ITGA4: variants seen among roughly 807,000 people sequenced by gnomAD.
The protein encoded by ITGA4 is integrin alpha-4.
In ITGA4, 63 loss-of-function variants were observed where a neutral mutation model predicts 133.6. The observed-to-expected ratio is 0.47, with a 90% CI of 0.38 to 0.58. The LOEUF (loss-of-function observed/expected upper bound fraction) is 0.58, where lower values mean the gene tolerates loss of function less well. ITGA4 is among the 20% of genes least tolerant of loss of function. ITGA4 has a pLI of 0.00. For missense variants in ITGA4, 1,076 were observed against 1,252.7 expected (o/e 0.86, Z 2.13); for synonymous variants, 483 against 438.0 (o/e 1.10, Z -1.28).
chr2:181,461,181 A>G (rs927313042), intron 2 of ITGA4, among the ~76,000 whole-genome samples: 35 of 147,848 alleles, frequency 2.4e-4, no homozygotes, highest in African/African-American at 8.8e-4. Flanking sequence ...TGCCATAAGC[A>G]GAAGTGAGCC....
Position 181,538,805 on chromosome 2 carries a change from G to A in ITGA4, c.*3278G>A, listed in dbSNP as rs956685002. On this transcript the variant is annotated 3_prime_UTR_variant, in exon 28 of 28. Coordinates refer to ENST00000397033, the MANE Select transcript of ITGA4 (RefSeq NM_000885.6). ...TGATCCATTTTTAAAAATCCAAAAT[G>A]GAAGTTGTAGACATTATCTGTAGTT... Among the ~76,000 whole-genome samples the A allele has an allele frequency of 6.6e-6, 1 of 152,090 alleles. No individual in the cohort carries two copies. Among genetic ancestry groups the A allele is most frequent in the African/African-American group, 2.4e-5 (1 of 41,422 alleles).
intron 2 of ITGA4, among the ~76,000 whole-genome samples, chr2:181,466,310 T>G (rs759169628): frequency 3.9e-5 from 6 of 152,110 alleles, no homozygotes; most frequent in Admixed American, 6.6e-5. Context: ...AAAAAATAGC[T>G]GAAATAACTG....
At chr2:181,535,074 TTTCTC>T (rs1687031703) in intron 27 of ITGA4, 139 bp downstream of exon 27, 2 of 907,388 alleles carry the variant, frequency 2.2e-6, no homozygotes, top group Admixed American at 3.6e-5. Flanking sequence ...TGATCTCACA[TTTCTC>T]TTCAACACCA....
rs1685144763 is a variant in ITGA4 at position 181,457,413 on chromosome 2, G to A, written c.-242G>A. The A allele has an allele frequency of 1.3e-5, 6 of 462,374 alleles. No homozygotes were observed. The highest frequency in any genetic ancestry group is 8.3e-5 in the East Asian group (2 of 24,158). The allele number at this position is 462,374 out of a possible 1,614,324, so 28.6% of individuals were successfully genotyped here. On this transcript the variant is annotated 5_prime_UTR_variant, in exon 1 of 28. Transcript: ENST00000397033. Reference sequence around the variant, plus strand: ...AGCAGCGCGAGCACCCGAAGCTCCCGGCTGGCGGCAGAAACCGGGAGTGGG... The same window carrying A: ...AGCAGCGCGAGCACCCGAAGCTCCCAGCTGGCGGCAGAAACCGGGAGTGGG...
In ITGA4 at chr2:181,495,634, C is replaced by G. The variant is rs1353483678; in HGVS notation, c.1386-149C>G. 1.4e-6 allele frequency: 1 copy of G among 709,718 alleles called. No homozygotes were observed. The highest frequency in any genetic ancestry group is 2.7e-5 in the East Asian group (1 of 37,092). 44.0% of individuals were successfully genotyped at this position (709,718 alleles called of 1,614,324 possible). On this transcript the variant is annotated intron_variant, in intron 13 of 27. Coordinates refer to ENST00000397033, the MANE Select transcript of ITGA4 (RefSeq NM_000885.6). This position sits in a 1 kb window ranked among gnomAD's most constrained non-coding sequence, Gnocchi z 4.3. ...GACATTTAAATAAAAAGTTATTTTG[C>G]CCTGTGCACAGAAATGTAATTAGTA...
At chr2:181,521,632 G>A (rs1287082569) in intron 17 of ITGA4, among the ~76,000 whole-genome samples, 1 of 152,152 alleles carries the variant, frequency 6.6e-6, no homozygotes, top group Non-Finnish European at 1.5e-5. Flanking sequence ...AGTTACTGGT[G>A]GAGGTGACCA....
At chr2:181,477,283 A>G (rs1685698626) in intron 4 of ITGA4, among the ~76,000 whole-genome samples, 1 of 152,128 alleles carries the variant, frequency 6.6e-6, no homozygotes, top group African/African-American at 2.4e-5. Context: ...CATAAGAGAA[A>G]AGCTACTTGA....
chr2:181,530,703 C>T, intron 24 of ITGA4, 54 bp downstream of exon 24: 4 of 1,535,904 alleles, frequency 2.6e-6, no homozygotes, highest in South Asian at 1.2e-5. Context: ...AGAAGTGAGA[C>T]ACTTAAAATC....
intron 9 of ITGA4, 113 bp downstream of exon 9, chr2:181,482,764 T>G (rs1685835505): frequency 2.1e-6 from 2 of 940,758 alleles, no homozygotes; most frequent in Non-Finnish European, 3.3e-6. Flanking sequence ...TGACAAAAGT[T>G]AAAATTCTAA....
intron 20 of ITGA4, 136 bp downstream of exon 20, chr2:181,524,386 C>T (rs577431890): frequency 1.1e-5 from 6 of 533,958 alleles, no homozygotes; most frequent in African/African-American, 8.0e-5. Context: ...TTTAAAAGAA[C>T]CAAACAACAT....
chr2:181,462,639 GAC>G (rs903230195), intron 2 of ITGA4, among the ~76,000 whole-genome samples: 8 of 152,146 alleles, frequency 5.3e-5, no homozygotes, highest in Admixed American at 1.3e-4. Flanking sequence ...AGAAAATCAA[GAC>G]AGAGAGCTTC....
intron 17 of ITGA4, among the ~76,000 whole-genome samples, chr2:181,515,125 A>G (rs2105760157): frequency 6.6e-6 from 1 of 152,188 alleles, no homozygotes; most frequent in South Asian, 2.1e-4. Context: ...TAGAGCTCCA[A>G]GTTCTTATCA....
intron 2 of ITGA4, among the ~76,000 whole-genome samples, chr2:181,459,836 CATT>C (rs373439559): frequency 3.9e-5 from 6 of 152,326 alleles, no homozygotes; most frequent in African/African-American, 1.4e-4. Context: ...TGATCCATGA[CATT>C]ATAACTACTG....
At chr2:181,472,671 T>C (rs1368391853) in intron 2 of ITGA4, among the ~76,000 whole-genome samples, 1 of 152,238 alleles carries the variant, frequency 6.6e-6, no homozygotes, top group Non-Finnish European at 1.5e-5. Flanking sequence ...TAATGAAAAT[T>C]AAAATGCCTT....
At chr2:181,477,455 G>A (rs1457466637) in intron 4 of ITGA4, among the ~76,000 whole-genome samples, 5 of 152,048 alleles carry the variant, frequency 3.3e-5, no homozygotes, top group Non-Finnish European at 7.4e-5. Context: ...ATTCGCATAA[G>A]TCCTATATAT....
intron 2 of ITGA4, among the ~76,000 whole-genome samples, chr2:181,470,215 A>C (rs1342503284): frequency 6.6e-6 from 1 of 152,186 alleles, no homozygotes; most frequent in Non-Finnish European, 1.5e-5. Context: ...AGACTCAGCA[A>C]TCTCACTGAA....
Position 181,493,410 on chromosome 2 carries a change from C to G in ITGA4, c.1239C>G (p.Thr413=), listed in dbSNP as rs1686096780. The part of the protein sequence containing the change: ...YNGRADGISS[T]FSQRIEGLQI... The stretch of plus-strand genomic sequence containing the variant: ...GCCGTGCAGATGGGATCTCGTCAAC[C>G]TTCTCACAGGTAAGGTACTATTCTA... The change falls in exon 11 of 28, where the codon ACC becomes ACG. Residue 413 remains threonine, a synonymous_variant. Coordinates refer to ENST00000397033, the MANE Select transcript of ITGA4 (RefSeq NM_000885.6). The G allele has an allele frequency of 1.3e-6, 2 of 1,598,410 alleles. No individual in the cohort carries two copies. Among genetic ancestry groups the G allele is most frequent in the Non-Finnish European group, 1.7e-6 (2 of 1,166,500 alleles).
chr2:181,479,165 T>G (rs569886301), intron 5 of ITGA4: 2 of 167,052 alleles, frequency 1.2e-5, no homozygotes, highest in Non-Finnish European at 2.6e-5. Context: ...ATTTTAAATT[T>G]CTAGTTGAGG....
chr2:181,460,853 G>A (rs1285815782), intron 2 of ITGA4, among the ~76,000 whole-genome samples: 1 of 152,028 alleles, frequency 6.6e-6, no homozygotes, highest in Non-Finnish European at 1.5e-5. Flanking sequence ...AAGTTGAAAT[G>A]AAACACAATG....
Sources: gnomAD v4.1 joint callset for allele counts (sites outside exome capture counted in the v4.1 genomes callset) on GRCh38, gnomAD v4.1.1 for gene constraint, Gnocchi (gnomAD v3.1) non-coding constraint, MANE v1.5 for transcripts, NCBI Gene and HGNC (gene_info 2026-07-23, HGNC 2026-07-21) for gene names.